Variants in GALNT2 observed in about 807,000 individuals in gnomAD.
GALNT2 encodes the protein polypeptide N-acetylgalactosaminyltransferase 2, also known as UDP-GalNAc:polypeptide N-acetylgalactosaminyltransferase 2.
In GALNT2, 31 loss-of-function variants were observed where a neutral mutation model predicts 81.4. The ratio of observed to expected loss-of-function variants is 0.38; its 90% CI spans 0.29 to 0.51. The LOEUF (loss-of-function observed/expected upper bound fraction) is 0.51, where lower values mean the gene tolerates loss of function less well. Among genes scored for constraint, GALNT2 ranks in the 20% least tolerant of loss-of-function variants. The pLI, the probability that GALNT2 is intolerant of heterozygous loss-of-function variation, is 0.87. For synonymous variants in GALNT2, 303 were observed against 287.4 expected (o/e 1.05, Z -0.55); for missense variants, 629 against 765.7 (o/e 0.82, Z 2.11).
At chr1:230,265,081 C>A in intron 13 of GALNT2, 160 bp from the exon 14 acceptor site, 1 of 816,118 alleles carries the variant, frequency 1.2e-6, no homozygotes, top group Non-Finnish European at 2.0e-6. Flanking sequence ...TGCCGTGTCC[C>A]TGACACACAC....
At chr1:230,155,831 G>A (rs376178860) in intron 1 of GALNT2, among the ~76,000 whole-genome samples, 10 of 152,300 alleles carry the variant, frequency 6.6e-5, no homozygotes, top group South Asian at 2.1e-4. Context: ...GACATTCGGC[G>A]TCAACCTCCA....
intron 1 of GALNT2, among the ~76,000 whole-genome samples, chr1:230,118,710 TCCC>T (rs1660923379): frequency 6.6e-6 from 1 of 151,332 alleles, no homozygotes; most frequent in African/African-American, 2.4e-5. Flanking sequence ...GCGTGGCTCC[TCCC>T]CGCACTGTCT....
chr1:230,142,897 G>A (rs185733458), intron 1 of GALNT2, among the ~76,000 whole-genome samples: 96 of 152,244 alleles, frequency 6.3e-4, no homozygotes, highest in African/African-American at 2.0e-3. Flanking sequence ...GAATTGGCCC[G>A]TACCCTGGGA....
chr1:230,114,657 A>G (rs927809973), intron 1 of GALNT2, among the ~76,000 whole-genome samples: 1 of 152,118 alleles, frequency 6.6e-6, no homozygotes, highest in Non-Finnish European at 1.5e-5. Flanking sequence ...GCTGGAAATG[A>G]TGCAGCTGAC....
chr1:230,175,271 A>G (rs575627400), intron 1 of GALNT2, among the ~76,000 whole-genome samples: 186 of 152,268 alleles, frequency 1.2e-3, no homozygotes, highest in African/African-American at 4.2e-3. Flanking sequence ...AACTTTGGCT[A>G]TTTAGTTGAG....
At chr1:230,184,894 C>G (rs1343706855) in intron 2 of GALNT2, among the ~76,000 whole-genome samples, 1 of 152,030 alleles carries the variant, frequency 6.6e-6, no homozygotes, top group Admixed American at 6.6e-5. Flanking sequence ...GTAATTGTTC[C>G]ACAGTTCTTG....
At chr1:230,176,592 T>A (rs1662986348) in intron 1 of GALNT2, among the ~76,000 whole-genome samples, 1 of 152,228 alleles carries the variant, frequency 6.6e-6, no homozygotes, top group African/African-American at 2.4e-5. Context: ...ATTTCATTAC[T>A]TGCTGATTTC....
chr1:230,270,880 CAGA>C (rs1666144786), intron 14 of GALNT2, among the ~76,000 whole-genome samples: 2 of 152,162 alleles, frequency 1.3e-5, no homozygotes, highest in African/African-American at 2.4e-5. Flanking sequence ...TGAAATGCAA[CAGA>C]AGAACAAAAC....
At chr1:230,069,708 A>AG (rs1316432311) in intron 1 of GALNT2, among the ~76,000 whole-genome samples, 1 of 151,856 alleles carries the variant, frequency 6.6e-6, no homozygotes. Context: ...CATACCAAAA[A>AG]AAAAATGTGG....
chr1:230,226,010 G>C (rs1020520237), intron 3 of GALNT2, among the ~76,000 whole-genome samples: 1 of 152,210 alleles, frequency 6.6e-6, no homozygotes, highest in African/African-American at 2.4e-5. Flanking sequence ...TCAGAGCTTT[G>C]TGATAATCAG....
chr1:230,244,048 G>A (rs1665290627), intron 7 of GALNT2, among the ~76,000 whole-genome samples: 1 of 151,626 alleles, frequency 6.6e-6, no homozygotes, highest in Admixed American at 6.6e-5. Flanking sequence ...CTCGCCTTCT[G>A]CTTGTTTTAT....
At chr1:230,149,388 T>C (rs1478328861) in intron 1 of GALNT2, among the ~76,000 whole-genome samples, 1 of 152,160 alleles carries the variant, frequency 6.6e-6, no homozygotes, top group Non-Finnish European at 1.5e-5. Context: ...CTTGCTGTTT[T>C]ATAGGGTGTT....
intron 2 of GALNT2, among the ~76,000 whole-genome samples, chr1:230,197,899 C>A (rs1211148750): frequency 6.6e-6 from 1 of 152,138 alleles, no homozygotes; most frequent in East Asian, 1.9e-4. Context: ...CGTGCTCCAG[C>A]CAGCGATCTG....
chr1:230,130,642 G>A (rs1022460088), intron 1 of GALNT2, among the ~76,000 whole-genome samples: 1 of 152,222 alleles, frequency 6.6e-6, no homozygotes, highest in Non-Finnish European at 1.5e-5. Flanking sequence ...TGCAGGAGCA[G>A]AAGGACAAGC....
intron 2 of GALNT2, among the ~76,000 whole-genome samples, chr1:230,194,194 G>T (rs1391724812): frequency 6.6e-6 from 1 of 152,186 alleles, no homozygotes; most frequent in East Asian, 1.9e-4. Context: ...GTATCAGTGG[G>T]GAGGCATGCC....
intron 1 of GALNT2, among the ~76,000 whole-genome samples, chr1:230,110,503 A>G (rs1660668482): frequency 6.6e-6 from 1 of 152,180 alleles, no homozygotes; most frequent in South Asian, 2.1e-4. Context: ...CTTTGCACTA[A>G]GTTTCCCCAC....
chr1:230,071,530 T>A (rs1236665353), intron 1 of GALNT2, among the ~76,000 whole-genome samples: 2 of 152,094 alleles, frequency 1.3e-5, no homozygotes, highest in Non-Finnish European at 2.9e-5. Context: ...GCCCTGCCCC[T>A]CTTGTTAGAA....
chr1:230,185,273 C>CGT (rs1177553093), intron 2 of GALNT2, among the ~76,000 whole-genome samples: 1,786 of 119,494 alleles, frequency 0.015, 23 homozygotes, highest in Middle Eastern at 0.023. Context: ...TGCGTGCGTG[C>CGT]GTGTGTGTGT....
At chr1:230,205,976 TAAG>T (rs989734133) in intron 3 of GALNT2, among the ~76,000 whole-genome samples, 7 of 152,190 alleles carry the variant, frequency 4.6e-5, no homozygotes, top group African/African-American at 1.7e-4. Flanking sequence ...GTGTAGCTTT[TAAG>T]AAGGGCTTGG....
Sources: allele counts gnomAD v4.1 joint callset (sites outside exome capture counted in the v4.1 genomes callset), GRCh38; gene constraint gnomAD v4.1.1; transcripts MANE v1.5; gene names NCBI Gene and HGNC (gene_info 2026-07-23, HGNC 2026-07-21).